Variants in CDC73 observed in about 807,000 individuals in gnomAD.
The protein encoded by CDC73 is cell division cycle 73.
Under a neutral mutation model 83.7 loss-of-function variants are expected in CDC73, and 21 were observed. That is an observed-to-expected ratio of 0.25 (90% CI 0.18 to 0.36). The LOEUF (loss-of-function observed/expected upper bound fraction) is 0.36. Among genes scored for constraint, CDC73 ranks in the 10% least tolerant of loss-of-function variants. The pLI is 1.00. For synonymous variants in CDC73, 224 were observed against 212.9 expected (o/e 1.05, Z -0.45); for missense variants, 342 against 653.3 (o/e 0.52, Z 5.19).
intron 3 of CDC73, among the ~76,000 whole-genome samples, chr1:193,134,134 C>A (rs1675744856): frequency 6.6e-6 from 1 of 151,778 alleles, no homozygotes; most frequent in Admixed American, 6.6e-5. Flanking sequence ...GCTTTTTTAC[C>A]AGTTGTGAAT....
At chr1:193,238,754 A>G (rs1385718279) in intron 15 of CDC73, among the ~76,000 whole-genome samples, 4 of 152,244 alleles carry the variant, frequency 2.6e-5, no homozygotes. Flanking sequence ...AAGTAGAGAA[A>G]AAGAAAACGT....
intron 10 of CDC73, among the ~76,000 whole-genome samples, chr1:193,165,946 G>T (rs1287979585): frequency 1.3e-5 from 2 of 152,164 alleles, no homozygotes; most frequent in Non-Finnish European, 2.9e-5. Context: ...AGTTTTACAT[G>T]TAAGTTCTGT....
rs376266305 is a variant in CDC73 at position 193,172,006 on chromosome 1, C to T, written c.972+19562C>T. Among the ~76,000 whole-genome samples the T allele has an allele frequency of 2.6e-5, 4 of 152,212 alleles. 1 individual carries two copies. In the South Asian group the frequency reaches 6.2e-4, roughly 24 times the overall value. On this transcript the variant is annotated intron_variant, in intron 10 of 16. Coordinates refer to ENST00000367435, the MANE Select transcript of CDC73 (RefSeq NM_024529.5). ...GCAGTGGCATCTCAGCTCACTGCAA[C>T]CTCTGTCTCCTGGATTCAAGTGATT...
At chr1:193,246,366 G>A (rs1365366652) in intron 15 of CDC73, among the ~76,000 whole-genome samples, 1 of 148,342 alleles carries the variant, frequency 6.7e-6, no homozygotes, top group African/African-American at 2.5e-5. Flanking sequence ...ATTGAAGACT[G>A]TCTTTTCCCC....
chr1:193,204,636 A>T (rs963406171), intron 11 of CDC73, among the ~76,000 whole-genome samples: 4 of 152,128 alleles, frequency 2.6e-5, no homozygotes, highest in Non-Finnish European at 5.9e-5. Context: ...TTCAAAGGTC[A>T]TTGATAAAAT....
intron 11 of CDC73, among the ~76,000 whole-genome samples, chr1:193,208,767 T>C (rs1677229771): frequency 6.6e-6 from 1 of 152,228 alleles, no homozygotes; most frequent in Non-Finnish European, 1.5e-5. Context: ...TCTTCCTTTC[T>C]TCTCTGTGGT....
intron 13 of CDC73, among the ~76,000 whole-genome samples, chr1:193,213,270 T>C (rs1260916325): frequency 2.0e-5 from 3 of 152,198 alleles, no homozygotes; most frequent in East Asian, 3.9e-4. Flanking sequence ...TTCAATGATA[T>C]AGACATTAAC....
intron 13 of CDC73, among the ~76,000 whole-genome samples, chr1:193,222,123 A>T (rs12137391): frequency 0.04 from 6,039 of 152,302 alleles, 116 homozygotes; most frequent in Middle Eastern, 0.048. Flanking sequence ...AATACACTTT[A>T]CATCTATAAA....
rs561238107 is a variant in CDC73, at chr1:193,236,400, C to G, written c.1417+44C>G. 16 of 1,221,874 alleles carry G rather than the reference C, an allele frequency of 1.3e-5. No homozygotes were observed. In the African/African-American group the frequency reaches 2.4e-4, roughly 18 times the overall value. 75.7% of individuals were successfully genotyped at this position (1,221,874 alleles called of 1,614,324 possible). On this transcript the variant is annotated intron_variant, in intron 15 of 16. Transcript: ENST00000367435. ...TTACTGTATCCAGTATAGAAATGTT[C>G]TCACTTTATTTAAGAGAAACAGTCA...
intron 7 of CDC73, among the ~76,000 whole-genome samples, chr1:193,143,688 T>G (rs1175336477): frequency 1.3e-5 from 2 of 152,208 alleles, no homozygotes; most frequent in African/African-American, 4.8e-5. Context: ...AAAAATACTC[T>G]TAGGCAGGTG....
At position 193,250,705 on chromosome 1, in the gene CDC73, G is replaced by A; in HGVS notation, c.1589G>A (p.Arg530Lys). ...ATGGTAAAGCATAAATCGCACTTGA[G>A]ATTCTGAATTATTTGGCTCCTCCAT... ...RYMVKHKSHL[R>K]F The change falls in exon 17 of 17, where the codon AGA becomes AAA. Residue 530 changes from arginine to lysine, a missense_variant. Physicochemically the swap from Arg to Lys is conservative, Grantham distance 26. This residue lies in a region of CDC73 where 239 missense variants were observed against 420.6 expected (regional missense o/e 0.57). Coordinates refer to ENST00000367435, the MANE Select transcript of CDC73 (RefSeq NM_024529.5). The A allele has an allele frequency of 6.2e-7, 1 of 1,608,614 alleles. No individual in the cohort carries two copies. The highest frequency in any genetic ancestry group is 8.5e-7 in the Non-Finnish European group (1 of 1,175,730).
intron 7 of CDC73, among the ~76,000 whole-genome samples, chr1:193,145,630 CTTTAA>C (rs1217348309): frequency 5.3e-5 from 8 of 151,834 alleles, no homozygotes; most frequent in African/African-American, 1.7e-4. Context: ...CAATTTTAAT[CTTTAA>C]TTCAATAGAT....
chr1:193,163,620 C>A (rs1263933913), intron 10 of CDC73, among the ~76,000 whole-genome samples: 2 of 152,046 alleles, frequency 1.3e-5, no homozygotes, highest in East Asian at 3.9e-4. Flanking sequence ...AGACATAAAT[C>A]ATCTAATACT....
chr1:193,151,541 A>G (rs1676111486), intron 9 of CDC73, among the ~76,000 whole-genome samples: 2 of 152,216 alleles, frequency 1.3e-5, no homozygotes, highest in East Asian at 1.9e-4. Context: ...AAGGCTTGCA[A>G]TGTGTTAAAA....
In CDC73 at chr1:193,135,599, C is replaced by A; in HGVS notation, c.423+10C>A. 2 of 1,593,702 alleles carry A rather than the reference C, an allele frequency of 1.3e-6. No homozygotes were observed. The highest frequency in any genetic ancestry group is 1.7e-6 in the Non-Finnish European group (2 of 1,162,754). ...GAAACCACGAATTGAGGTAAAGAAA[C>A]TGTATTTTAAACAATTTTATTTATA... On this transcript the variant is annotated intron_variant, in intron 5 of 16. Transcript: ENST00000367435.
chr1:193,217,384 T>A (rs1677388116), intron 13 of CDC73, among the ~76,000 whole-genome samples: 1 of 152,126 alleles, frequency 6.6e-6, no homozygotes, highest in African/African-American at 2.4e-5. Flanking sequence ...ACTGGAAGAA[T>A]CGGATCACAT....
chr1:193,187,822 G>T (rs1464207535), intron 10 of CDC73, among the ~76,000 whole-genome samples: 1 of 151,978 alleles, frequency 6.6e-6, no homozygotes, highest in Non-Finnish European at 1.5e-5. Context: ...ATGTTAGAAG[G>T]ATCGTTAAAG....
In CDC73 at chr1:193,169,556, A is replaced by G. The variant is rs557928248; in HGVS notation, c.972+17112A>G. Among the ~76,000 whole-genome samples the G allele has an allele frequency of 2.0e-4, 30 of 152,340 alleles. 1 individual carries two copies. The South Asian group carries it at 6.0e-3, about 31-fold the overall frequency. ...CAAGACTCTGTCTCAAAAAAAAATA[A>G]AAAATAAATTTGTAAGAATGGAGGC... is the stretch of plus-strand genomic sequence containing the variant. On this transcript the variant is annotated intron_variant, in intron 10 of 16. Coordinates refer to ENST00000367435, the MANE Select transcript of CDC73 (RefSeq NM_024529.5).
intron 6 of CDC73, among the ~76,000 whole-genome samples, 175 bp from the exon 7 acceptor site, chr1:193,141,674 AT>A (rs747392964): frequency 2.0e-5 from 3 of 152,220 alleles, no homozygotes; most frequent in Non-Finnish European, 4.4e-5. Flanking sequence ...CTCGACATGA[AT>A]TCTTTATAAA....
Sources: gnomAD v4.1 joint callset for allele counts (sites outside exome capture counted in the v4.1 genomes callset) on GRCh38, gnomAD v4.1.1 for gene constraint, gnomAD v4.1.1 regional missense constraint, MANE v1.5 for transcripts, NCBI Gene and HGNC (gene_info 2026-07-23, HGNC 2026-07-21) for gene names.